Variants in AP2A2 observed in about 807,000 individuals in gnomAD.
AP2A2 encodes the protein AP-2 complex subunit alpha-2.
A neutral mutation model predicts 104.2 loss-of-function variants in AP2A2; 32 were observed. The ratio of observed to expected loss-of-function variants is 0.31; its 90% CI spans 0.23 to 0.41. The LOEUF (loss-of-function observed/expected upper bound fraction) is 0.41, where lower values mean the gene tolerates loss of function less well. AP2A2 is among the 10% of genes least tolerant of loss of function. The pLI is 1.00. For missense variants in AP2A2, 912 were observed against 1,261.0 expected, an observed-to-expected ratio of 0.72 and a Z score of 4.19; for synonymous variants, 539 against 533.3, an observed-to-expected ratio of 1.01 and a Z score of -0.15.
At chr11:979,262 G>C (rs148450627) in intron 5 of AP2A2, among the ~76,000 whole-genome samples, 89 of 150,374 alleles carry the variant, frequency 5.9e-4, no homozygotes, top group Admixed American at 1.7e-3. Flanking sequence ...GGAACACACC[G>C]TGAACATTCA....
At chr11:939,378 G>A (rs1443232027) in intron 1 of AP2A2, among the ~76,000 whole-genome samples, 2 of 151,922 alleles carry the variant, frequency 1.3e-5, no homozygotes, top group East Asian at 1.9e-4. Context: ...CTTTAAGAAT[G>A]ATTGCTTTTT....
At chr11:959,400 A>G in intron 1 of AP2A2, 37 bp from the exon 2 acceptor site, 1 of 1,351,884 alleles carries the variant, frequency 7.4e-7, no homozygotes, top group Non-Finnish European at 1.0e-6. Flanking sequence ...TTTAGAAATC[A>G]ATTAAAATAA....
At chr11:933,441 T>A (rs1331488492) in intron 1 of AP2A2, 1 of 442,298 alleles carries the variant, frequency 2.3e-6, no homozygotes, top group Non-Finnish European at 4.6e-6. Context: ...AAAAGCAGTA[T>A]GTGCAGTTTT....
At chr11:967,465 C>T (rs1433745994) in intron 2 of AP2A2, among the ~76,000 whole-genome samples, 1 of 151,838 alleles carries the variant, frequency 6.6e-6, no homozygotes, top group Non-Finnish European at 1.5e-5. Flanking sequence ...GGGTTCATGC[C>T]ATTCTCCTTC....
chr11:987,804 C>A (rs762132535), intron 9 of AP2A2, among the ~76,000 whole-genome samples: 2 of 152,232 alleles, frequency 1.3e-5, no homozygotes, highest in Non-Finnish European at 2.9e-5. Context: ...GGTGCACATG[C>A]GTTAGGGAGT....
intron 1 of AP2A2, chr11:948,560 A>T (rs939299617): frequency 6.6e-6 from 1 of 152,240 alleles, no homozygotes; most frequent in Non-Finnish European, 1.5e-5. Context: ...AAATAGATTG[A>T]ATTAATAATT....
chr11:972,217 G>A lies in AP2A2; in HGVS notation c.435G>A (p.Glu145=), dbSNP rs768273850. The change falls in exon 4 of 22, where the codon GAG becomes GAA. Residue 145 remains glutamate, a synonymous_variant. Coordinates refer to ENST00000448903, the MANE Select transcript of AP2A2 (RefSeq NM_012305.4). The part of the protein sequence containing the change: ...IASVGSREMA[E]AFAGEIPKVL... ...GCGTGGGCAGCCGGGAGATGGCCGAGGCCTTCGCCGGGGAGATCCCTAAGG... is the reference window on the plus strand; with the variant it reads ...GCGTGGGCAGCCGGGAGATGGCCGAAGCCTTCGCCGGGGAGATCCCTAAGG... 2 of 1,609,110 alleles carry A rather than the reference G, an allele frequency of 1.2e-6. No individual in the cohort carries two copies. The highest frequency in any genetic ancestry group is 2.2e-5 in the East Asian group (1 of 44,814).
intron 2 of AP2A2, among the ~76,000 whole-genome samples, chr11:965,965 C>T (rs1158759676): frequency 8.5e-5 from 13 of 152,258 alleles, no homozygotes; most frequent in Middle Eastern, 3.4e-3. Context: ...TTCCACCTCC[C>T]GAGTGGCTAG....
chr11:999,949 G>T (rs550661971), intron 14 of AP2A2, among the ~76,000 whole-genome samples: 7 of 151,662 alleles, frequency 4.6e-5, no homozygotes, highest in Non-Finnish European at 1.0e-4. Context: ...GACTACAGGC[G>T]CCCACCACCA....
At chr11:991,098 C>T (rs1358959095) in intron 10 of AP2A2, among the ~76,000 whole-genome samples, 7 of 151,394 alleles carry the variant, frequency 4.6e-5, no homozygotes, top group Admixed American at 3.9e-4. Flanking sequence ...TCCTTTCAGC[C>T]GGGTATGGTG....
At chr11:931,415 A>C (rs1420642872) in intron 1 of AP2A2, among the ~76,000 whole-genome samples, 1 of 152,226 alleles carries the variant, frequency 6.6e-6, no homozygotes, top group Non-Finnish European at 1.5e-5. Flanking sequence ...ATTGTTGGAG[A>C]GACACAGCAC....
chr11:949,724 G>A (rs1464128278), intron 1 of AP2A2, among the ~76,000 whole-genome samples: 1 of 150,974 alleles, frequency 6.6e-6, no homozygotes, highest in African/African-American at 2.4e-5. Flanking sequence ...GCAGTGAGCC[G>A]AGATCACGCC....
rs1856205017 is a variant in AP2A2 at position 1,006,362 on chromosome 11, G to A, written c.2207-166G>A. 2.0e-5 allele frequency among the ~76,000 whole-genome samples: 3 copies of A among 152,338 alleles called. No individual in the cohort carries two copies. The South Asian group carries it at 6.2e-4, about 32-fold the overall frequency. On this transcript the variant is annotated intron_variant, in intron 16 of 21. Transcript: ENST00000448903. The stretch of plus-strand genomic sequence containing the variant: ...CCGTGTTACCAGCACTGGTGTGCTC[G>A]TTCTAAAACTGGAAAAAATTTGTTC...
chr11:945,713 G>C (rs1362566218), intron 1 of AP2A2, among the ~76,000 whole-genome samples: 2 of 152,158 alleles, frequency 1.3e-5, no homozygotes, highest in African/African-American at 4.8e-5. Flanking sequence ...CACTTTGGGA[G>C]GCCAAAACTG....
intron 14 of AP2A2, chr11:996,180 C>G (rs779043787): frequency 2.0e-5 from 3 of 152,296 alleles, no homozygotes; most frequent in Non-Finnish European, 4.4e-5. Context: ...GGTGCTGGGC[C>G]GGCAGCGGCT....
intron 2 of AP2A2, among the ~76,000 whole-genome samples, chr11:964,772 A>C (rs956718966): frequency 1.3e-5 from 2 of 152,238 alleles, no homozygotes. Flanking sequence ...GTTAAAGGAA[A>C]TGCCAAAGGA....
intron 16 of AP2A2, among the ~76,000 whole-genome samples, 194 bp from the exon 17 acceptor site, chr11:1,006,334 G>A (rs899749102): frequency 6.6e-6 from 1 of 151,214 alleles, no homozygotes; most frequent in East Asian, 1.9e-4. Context: ...GGAGATACCC[G>A]GCCCGTGTTA....
chr11:963,329 G>A (rs1387792470), intron 2 of AP2A2, among the ~76,000 whole-genome samples: 2 of 152,104 alleles, frequency 1.3e-5, no homozygotes, highest in Non-Finnish European at 2.9e-5. Flanking sequence ...GGGAGGCTGA[G>A]GCAGGAGAAT....
At chr11:995,626 T>C (rs892647504) in intron 14 of AP2A2, among the ~76,000 whole-genome samples, 4 of 150,476 alleles carry the variant, frequency 2.7e-5, no homozygotes, top group African/African-American at 9.8e-5. Flanking sequence ...GGGACCTGCT[T>C]ATGTGCCCCG....
Sources: allele counts gnomAD v4.1 joint callset (sites outside exome capture counted in the v4.1 genomes callset), GRCh38; gene constraint gnomAD v4.1.1; transcripts MANE v1.5; gene names NCBI Gene and HGNC (gene_info 2026-07-23, HGNC 2026-07-21).